The following RTP2 variants were observed in gnomAD, a reference collection of about 807,000 sequenced individuals.
The protein encoded by RTP2 is receptor-transporting protein 2.
In RTP2, 12 loss-of-function variants were observed where a neutral mutation model predicts 17.9. The observed-to-expected ratio is 0.67, with a 90% CI of 0.43 to 1.09. The LOEUF (loss-of-function observed/expected upper bound fraction) is 1.09. Among genes scored for constraint, RTP2 ranks in the 50% least tolerant of loss-of-function variants. The pLI, the probability that RTP2 is intolerant of heterozygous loss-of-function variation, is 0.00. For missense variants in RTP2, 327 were observed against 295.7 expected, an observed-to-expected ratio of 1.11 and a Z score of -0.78; for synonymous variants, 126 against 117.7, an observed-to-expected ratio of 1.07 and a Z score of -0.46.
chr3:187,709,316 A>T, the RTP2 span, among the ~76,000 whole-genome samples: 23 of 152,318 alleles, frequency 1.5e-4, no homozygotes, highest in Non-Finnish European at 2.5e-4. Context: ...CTATTAGCTC[A>T]TGAGTGCCCC....
intron 1 of RTP2, 96 bp from the exon 2 acceptor site, chr3:187,699,107 G>A (rs1016972694): frequency 1.4e-6 from 2 of 1,385,208 alleles, no homozygotes; most frequent in Admixed American, 5.5e-5. Flanking sequence ...GTGTGCCCGT[G>A]CTTGGAGATG....
rs746348051 is a variant in RTP2 at position 187,698,873 on chromosome 3, C to G, written c.303G>C (p.Thr101=). 4.3e-6 allele frequency: 7 copies of G among 1,612,638 alleles called. No individual in the cohort carries two copies. In the South Asian group the frequency reaches 5.5e-5, roughly 13 times the overall value. The change falls in exon 2 of 2, where the codon ACG becomes ACC. Residue 101 remains threonine, a synonymous_variant. Coordinates refer to ENST00000358241, the Ensembl canonical transcript of RTP2. ...GCATGCTGGACTCGTCCAGCCGCGCCGTGCCGCACTCATAGCACAGCTGCT... is the reference window on the plus strand; with the variant it reads ...GCATGCTGGACTCGTCCAGCCGCGCGGTGCCGCACTCATAGCACAGCTGCT...
At chr3:187,713,604 G>T in the RTP2 span, among the ~76,000 whole-genome samples, 80 of 152,284 alleles carry the variant, frequency 5.3e-4, no homozygotes, top group African/African-American at 1.8e-3. Flanking sequence ...AAATGAAGTA[G>T]TGGCTCACAA....
the RTP2 span, among the ~76,000 whole-genome samples, chr3:187,710,140 C>T: frequency 2.1e-4 from 32 of 152,206 alleles, no homozygotes; most frequent in African/African-American, 7.5e-4. Flanking sequence ...AGGTTGAATT[C>T]ACTCTCTGCC....
At chr3:187,698,396 G>T in exon 2 of RTP2, 1 of 1,049,460 alleles carries the variant, frequency 9.5e-7, no homozygotes, top group Non-Finnish European at 1.4e-6. Context: ...AGAGGTGACC[G>T]GATTGTCCAG....
At chr3:187,707,722 C>T in the RTP2 span, among the ~76,000 whole-genome samples, 3,247 of 152,302 alleles carry the variant, frequency 0.021, 56 homozygotes, top group Non-Finnish European at 0.035. Flanking sequence ...GCCTGAACTA[C>T]ATGATCCTAT....
At chr3:187,700,151 C>T (rs1421261861) in intron 1 of RTP2, among the ~76,000 whole-genome samples, 2 of 152,226 alleles carry the variant, frequency 1.3e-5, no homozygotes, top group African/African-American at 4.8e-5. Flanking sequence ...TTCAACACCT[C>T]CCATATGCCA....
upstream of RTP2, among the ~76,000 whole-genome samples, chr3:187,704,485 G>C (rs1717940583): frequency 6.6e-6 from 1 of 152,114 alleles, no homozygotes; most frequent in Non-Finnish European, 1.5e-5. Context: ...CCAGTCCTGG[G>C]AAGAATCCCT....
At chr3:187,701,854 T>G in intron 1 of RTP2, 111 bp downstream of exon 1, 2 of 963,212 alleles carry the variant, frequency 2.1e-6, no homozygotes, top group Non-Finnish European at 2.9e-6. Context: ...TTTCCCCATC[T>G]GAGCTGACAC....
Position 187,702,341 on chromosome 3 carries a change from G to C in RTP2, c.-213C>G. 4 of 578,348 alleles carry C rather than the reference G, an allele frequency of 6.9e-6. No homozygotes were observed. In the South Asian group the frequency reaches 7.6e-5, roughly 11 times the overall value. 35.8% of individuals were successfully genotyped at this position (578,348 alleles called of 1,614,324 possible). A position where few individuals can be genotyped will look rare whatever the true frequency, so the allele number is the denominator to read the frequency against. On this transcript the variant is annotated 5_prime_UTR_variant, in exon 1 of 2. Coordinates refer to ENST00000358241, the Ensembl canonical transcript of RTP2. Reference sequence around the variant, plus strand: ...AGAGTGAGGGCTGGGGAGAAGGGAAGCCCCAAGGGGGAGTTTCAGGGCCCT... The same window carrying C: ...AGAGTGAGGGCTGGGGAGAAGGGAACCCCCAAGGGGGAGTTTCAGGGCCCT...
chr3:187,708,648 C>T, the RTP2 span, among the ~76,000 whole-genome samples: 1 of 152,192 alleles, frequency 6.6e-6, no homozygotes, highest in East Asian at 1.9e-4. Context: ...ATACTAGTTG[C>T]AGGAGCTGAC....
the RTP2 span, among the ~76,000 whole-genome samples, chr3:187,711,703 C>G: frequency 1.3e-5 from 2 of 152,174 alleles, no homozygotes; most frequent in African/African-American, 4.8e-5. Context: ...ATTTTCCTCT[C>G]AGCTCTGCCA....
the RTP2 span, among the ~76,000 whole-genome samples, chr3:187,713,133 G>A: frequency 6.6e-6 from 1 of 152,194 alleles, no homozygotes; most frequent in Admixed American, 6.5e-5. Context: ...GAGCAGGGAG[G>A]AGATTGAGAT....
At chr3:187,699,359 C>T (rs890766733) in intron 1 of RTP2, among the ~76,000 whole-genome samples, 3 of 152,182 alleles carry the variant, frequency 2.0e-5, no homozygotes, top group Admixed American at 2.0e-4. Context: ...GGCTTCATTT[C>T]TCATTTGTGA....
the RTP2 span, among the ~76,000 whole-genome samples, chr3:187,708,707 C>G: frequency 6.6e-6 from 1 of 152,296 alleles, no homozygotes; most frequent in South Asian, 2.1e-4. Context: ...GTGATAAAGT[C>G]CTCACTATGC....
At chr3:187,699,461 A>T (rs1717786077) in intron 1 of RTP2, among the ~76,000 whole-genome samples, 1 of 152,110 alleles carries the variant, frequency 6.6e-6, no homozygotes, top group Non-Finnish European at 1.5e-5. Flanking sequence ...TAACTCATGC[A>T]TCTTGCTTAC....
chr3:187,715,587 C>A, the RTP2 span: 2 of 454,070 alleles, frequency 4.4e-6, no homozygotes, highest in Admixed American at 4.7e-5. Flanking sequence ...AATTTCTTTG[C>A]TTAATGTCAC....
exon 2 of RTP2, chr3:187,698,851 T>G: frequency 6.2e-7 from 1 of 1,613,118 alleles, no homozygotes; most frequent in Admixed American, 1.7e-5. Context: ...TCCTCCAGCA[T>G]GCTGGACTCG....
At chr3:187,709,417 C>T in the RTP2 span, among the ~76,000 whole-genome samples, 5 of 152,152 alleles carry the variant, frequency 3.3e-5, no homozygotes, top group Admixed American at 6.5e-5. Context: ...CTGTCTCTGG[C>T]GGGCATGCCT....
Sources: gnomAD v4.1 joint callset for allele counts (sites outside exome capture counted in the v4.1 genomes callset) on GRCh38, gnomAD v4.1.1 for gene constraint, MANE v1.5 for transcripts, NCBI Gene and HGNC (gene_info 2026-07-23, HGNC 2026-07-21) for gene names.